Variants in PLCE1 observed in about 807,000 individuals in gnomAD.
PLCE1 encodes phospholipase C epsilon 1, also known as 1-phosphatidylinositol 4,5-bisphosphate phosphodiesterase epsilon-1.
Under a neutral mutation model 242.8 loss-of-function variants are expected in PLCE1, and 119 were observed. That is an observed-to-expected ratio of 0.49 (90% CI 0.42 to 0.57). The LOEUF (loss-of-function observed/expected upper bound fraction) is 0.57. Among genes scored for constraint, PLCE1 ranks in the 20% least tolerant of loss-of-function variants. The probability of loss-of-function intolerance (pLI) is 0.00; values close to 1 mark genes in which losing one functional copy is unlikely to be tolerated. For synonymous variants in PLCE1, 945 were observed against 1,017.4 expected, an observed-to-expected ratio of 0.93 and a Z score of 1.35; for missense variants, 2,441 against 2,788.8, an observed-to-expected ratio of 0.88 and a Z score of 2.81.
intron 2 of PLCE1, among the ~76,000 whole-genome samples, chr10:94,034,185 C>T (rs1022122298): frequency 1.3e-5 from 2 of 152,110 alleles, no homozygotes; most frequent in African/African-American, 4.8e-5. Flanking sequence ...GGGAAACCGC[C>T]CCCATGATTC....
In PLCE1 at chr10:94,256,144, G is replaced by A. The variant is rs943370838; in HGVS notation, c.3554+1095G>A. ...GAATTCGAGACCAGCCTGAGCAACA[G>A]AAACCCCATCTCTACAAAAAGTAAA... On this transcript the variant is annotated intron_variant, in intron 11 of 32. Coordinates refer to ENST00000371380, the MANE Select transcript of PLCE1 (RefSeq NM_016341.4). 2.6e-5 allele frequency among the ~76,000 whole-genome samples: 4 copies of A among 151,472 alleles called. No individual in the cohort carries two copies. The South Asian group carries it at 8.3e-4, about 32-fold the overall frequency.
At chr10:94,131,828 G>T (rs1407874748) in intron 2 of PLCE1, among the ~76,000 whole-genome samples, 1 of 152,228 alleles carries the variant, frequency 6.6e-6, no homozygotes, top group East Asian at 1.9e-4. Flanking sequence ...GTAATGTCCA[G>T]GAAAACCAGA....
intron 2 of PLCE1, among the ~76,000 whole-genome samples, chr10:94,049,927 C>T (rs370948472): frequency 6.6e-6 from 1 of 152,170 alleles, no homozygotes; most frequent in African/African-American, 2.4e-5. Flanking sequence ...TCATCCATGT[C>T]GCTGGATGTA....
chr10:94,031,999 A>G lies in PLCE1; in HGVS notation c.953A>G (p.Lys318Arg). The G allele has an allele frequency of 6.2e-7, 1 of 1,613,882 alleles. No homozygotes were observed. Among genetic ancestry groups the G allele is most frequent in the Non-Finnish European group, 8.5e-7 (1 of 1,179,844 alleles). The change falls in exon 2 of 33, where the codon AAA becomes AGA. Residue 318 changes from lysine to arginine, a missense_variant. Lys to Arg is a conservative substitution (Grantham distance 26). Coordinates refer to ENST00000371380, the MANE Select transcript of PLCE1 (RefSeq NM_016341.4). The part of the protein sequence containing the change: ...DDVEEDAFKS[K>R]KERSTLLVRR... ...GTAGAAGAAGACGCTTTTAAAAGCA[A>G]AAAGGAGCGATCCACTTTGTTAGTC...
intron 2 of PLCE1, chr10:94,106,289 C>T (rs1459048583): frequency 6.6e-6 from 1 of 152,204 alleles, no homozygotes; most frequent in East Asian, 1.9e-4. Context: ...ATTATACATA[C>T]TACAACATGC....
chr10:94,300,378 G>T (rs995256629), intron 24 of PLCE1, among the ~76,000 whole-genome samples: 1 of 152,232 alleles, frequency 6.6e-6, no homozygotes, highest in Non-Finnish European at 1.5e-5. Flanking sequence ...GGGATTGAGA[G>T]TACGTCTTTA....
At chr10:94,318,541 A>G (rs541250265) in intron 29 of PLCE1, among the ~76,000 whole-genome samples, 1 of 152,232 alleles carries the variant, frequency 6.6e-6, no homozygotes, top group East Asian at 1.9e-4. Context: ...AGTAGAAAGA[A>G]CTCAAGTCTA....
At position 94,211,401 on chromosome 10, in the gene PLCE1, A is replaced by C. The variant is rs529573843; in HGVS notation, c.1810-15905A>C. 7.9e-5 allele frequency among the ~76,000 whole-genome samples: 12 copies of C among 152,276 alleles called. No individual in the cohort carries two copies. In the South Asian group the frequency reaches 1.2e-3, roughly 16 times the overall value. ...TCTGGGCTCTAGCCTCAGCATTACC[A>C]CTCACTAACTGGGTGACCTTTGCAA... On this transcript the variant is annotated intron_variant, in intron 4 of 32. Transcript: ENST00000371380.
intron 2 of PLCE1, among the ~76,000 whole-genome samples, chr10:94,079,156 A>G (rs914903857): frequency 6.6e-6 from 1 of 152,184 alleles, no homozygotes; most frequent in Non-Finnish European, 1.5e-5. Flanking sequence ...TTTTTCTCTC[A>G]AGGGGCTACA....
chr10:94,117,359 T>G (rs1323916573), intron 2 of PLCE1, among the ~76,000 whole-genome samples: 10 of 152,188 alleles, frequency 6.6e-5, no homozygotes, highest in Non-Finnish European at 1.5e-4. Context: ...AGCAAGTCCT[T>G]TTCTTCCAGC....
At chr10:94,289,517 A>C (rs1049085524) in intron 22 of PLCE1, among the ~76,000 whole-genome samples, 3 of 152,222 alleles carry the variant, frequency 2.0e-5, no homozygotes. Flanking sequence ...AGACAAAGCT[A>C]CAGTGTAGCC....
At chr10:94,323,553 T>C (rs1006442930) in intron 30 of PLCE1, among the ~76,000 whole-genome samples, 18 of 152,226 alleles carry the variant, frequency 1.2e-4, no homozygotes, top group African/African-American at 1.2e-4. Flanking sequence ...AGTCACCACA[T>C]AGACCACCAC....
At chr10:94,198,627 C>G (rs1185912630) in intron 4 of PLCE1, among the ~76,000 whole-genome samples, 1 of 152,204 alleles carries the variant, frequency 6.6e-6, no homozygotes, top group African/African-American at 2.4e-5. Flanking sequence ...TCATTCCTCC[C>G]CTATCTCAAA....
chr10:94,073,569 A>T (rs528283053), intron 2 of PLCE1, among the ~76,000 whole-genome samples: 5 of 152,378 alleles, frequency 3.3e-5, no homozygotes, highest in Admixed American at 3.3e-4. Context: ...TTCAATAAAT[A>T]GAAGCCAATC....
At chr10:94,277,784 G>A (rs1225595132) in intron 19 of PLCE1, among the ~76,000 whole-genome samples, 3 of 152,062 alleles carry the variant, frequency 2.0e-5, no homozygotes, top group Non-Finnish European at 2.9e-5. Flanking sequence ...GAAAGACAGG[G>A]GAAAAAAATT....
At chr10:94,185,884 A>G (rs2048462551) in intron 4 of PLCE1, among the ~76,000 whole-genome samples, 1 of 152,318 alleles carries the variant, frequency 6.6e-6, no homozygotes, top group African/African-American at 2.4e-5. Context: ...TTTTGGAGGT[A>G]ATGTGGACTC....
intron 4 of PLCE1, among the ~76,000 whole-genome samples, chr10:94,223,282 T>C (rs953908662): frequency 4.1e-5 from 6 of 148,056 alleles, no homozygotes; most frequent in African/African-American, 1.5e-4. Flanking sequence ...GAAGCCTTCC[T>C]GCAGAAGGAA....
At chr10:94,138,706 T>C in intron 3 of PLCE1, 1 of 287,132 alleles carries the variant, frequency 3.5e-6, no homozygotes, top group South Asian at 3.6e-5. Flanking sequence ...AGGAAACAGC[T>C]GTGGCCCTGG....
At chr10:94,071,634 G>C (rs572501376) in intron 2 of PLCE1, among the ~76,000 whole-genome samples, 1 of 150,444 alleles carries the variant, frequency 6.6e-6, no homozygotes, top group African/African-American at 2.5e-5. Flanking sequence ...CAGTATCTGG[G>C]ACTACAGGTG....
Sources: allele counts gnomAD v4.1 joint callset (sites outside exome capture counted in the v4.1 genomes callset), GRCh38; gene constraint gnomAD v4.1.1; transcripts MANE v1.5; gene names NCBI Gene and HGNC (gene_info 2026-07-23, HGNC 2026-07-21).